The following ZNF709 variants were observed in gnomAD, a reference collection of about 807,000 sequenced individuals.
ZNF709 encodes zinc finger protein 709.
ZNF709 carries 15 observed loss-of-function variants against 10.6 expected under a neutral mutation model. The observed-to-expected ratio is 1.41, with a 90% CI of 0.95 to 2.18. ZNF709 has a LOEUF of 2.18. ZNF709 is among the 30% of genes most tolerant of loss of function. ZNF709 has a pLI of 0.00. For synonymous variants in ZNF709, 194 were observed against 238.8 expected (o/e 0.81, Z 1.73); for missense variants, 589 against 774.0 (o/e 0.76, Z 2.84).
chr19:12,465,534 A>G lies in ZNF709; in HGVS notation c.388T>C (p.Tyr130His). 6.2e-7 allele frequency: 1 copy of G among 1,612,684 alleles called. No individual in the cohort carries two copies. Among genetic ancestry groups the G allele is most frequent in the Non-Finnish European group, 8.5e-7 (1 of 1,179,662 alleles). ...HMRSHTEHRS[Y>H]EYHKYGEKSY... ...TTCTCTCCATATTTGTGATATTCAT[A>G]TGATCTATGTTCAGTATGAGATCTC... The change falls in exon 4 of 4, where the codon TAT becomes CAT. Residue 130 changes from tyrosine (Y) to histidine (H), a missense_variant. Transcript: ENST00000397732.
Position 12,465,169 on chromosome 19 carries a change from G to A in ZNF709, c.753C>T (p.Pro251=). Residue 251 remains proline (P), a synonymous_variant, in exon 4 of 4, where the codon CCC becomes CCT. Transcript: ENST00000397732. ...NHERTHSGEK[P]YECKQCGKAF... Reference sequence around the variant, plus strand: ...CTTTTCCACATTGTTTACATTCATAGGGTTTCTCTCCAGAGTGAGTTCTTT... The same window carrying A: ...CTTTTCCACATTGTTTACATTCATAAGGTTTCTCTCCAGAGTGAGTTCTTT... 6.2e-7 allele frequency: 1 copy of A among 1,613,670 alleles called. No individual in the cohort carries two copies. The highest frequency in any genetic ancestry group is 1.3e-5 in the African/African-American group (1 of 75,002).
At chr19:12,472,238 C>A (rs1970639468) in intron 1 of ZNF709, among the ~76,000 whole-genome samples, 1 of 152,074 alleles carries the variant, frequency 6.6e-6, no homozygotes, top group African/African-American at 2.4e-5. Context: ...AACGGAAACA[C>A]AGGCCAGGCA....
intron 1 of ZNF709, among the ~76,000 whole-genome samples, chr19:12,470,423 C>T (rs1401171155): frequency 1.3e-5 from 2 of 152,108 alleles, no homozygotes; most frequent in Non-Finnish European, 2.9e-5. Flanking sequence ...GGCACTTGTT[C>T]AAAGAAATTC....
Position 12,461,280 on chromosome 19 carries a change from A to G in ZNF709, c.*2716T>C, listed in dbSNP as rs2144980254. The G allele has an allele frequency of 6.6e-6, 1 of 152,388 alleles. No individual in the cohort carries two copies. The highest frequency in any genetic ancestry group is 2.4e-5 in the African/African-American group (1 of 41,596). 9.4% of individuals were successfully genotyped at this position (152,388 alleles called of 1,614,324 possible). The stretch of plus-strand genomic sequence containing the variant: ...TTTGAAAAGTTAATAAAATATTTCT[A>G]AGAAACATCTACAGAAGCTTTTGTT... On this transcript the variant is annotated 3_prime_UTR_variant, in exon 4 of 4. Coordinates refer to ENST00000397732, the MANE Select transcript of ZNF709 (RefSeq NM_152601.4).
intron 1 of ZNF709, among the ~76,000 whole-genome samples, chr19:12,482,550 G>C (rs147555349): frequency 6.6e-6 from 1 of 152,260 alleles, no homozygotes; most frequent in Non-Finnish European, 1.5e-5. Flanking sequence ...CCAGGAGACA[G>C]ATCTCCTGGC....
At chr19:12,467,800 C>T (rs978714872) in intron 1 of ZNF709, among the ~76,000 whole-genome samples, 1 of 151,434 alleles carries the variant, frequency 6.6e-6, no homozygotes, top group African/African-American at 2.4e-5. Context: ...GCGACCCCGT[C>T]TGGGAGGTGA....
rs1401995756 is a variant in ZNF709 at position 12,462,286 on chromosome 19, C to T, written c.*1710G>A. ...TGGTGGCTATAAAACCTGACTAATG[C>T]TTTCTTCACTTCTGCCTTCCATATC... On this transcript the variant is annotated 3_prime_UTR_variant, in exon 4 of 4. Coordinates refer to ENST00000397732, the MANE Select transcript of ZNF709 (RefSeq NM_152601.4). The T allele has an allele frequency of 3.9e-5, 6 of 152,200 alleles. No individual in the cohort carries two copies. The highest frequency in any genetic ancestry group is 1.4e-4 in the African/African-American group (6 of 41,452). The allele number at this position is 152,200 out of a possible 1,614,324, so 9.4% of individuals were successfully genotyped here.
intron 2 of ZNF709, 53 bp downstream of exon 2, chr19:12,466,671 C>A (rs1970573675): frequency 8.1e-6 from 13 of 1,613,134 alleles, no homozygotes; most frequent in Non-Finnish European, 6.8e-6. Flanking sequence ...TGCTGATGAG[C>A]AAGAAACACT....
intron 1 of ZNF709, among the ~76,000 whole-genome samples, chr19:12,469,001 C>T (rs915005156): frequency 5.9e-5 from 9 of 152,058 alleles, no homozygotes; most frequent in Non-Finnish European, 1.2e-4. Flanking sequence ...CCACTATGCC[C>T]GGCTAATTTT....
chr19:12,481,071 A>G (rs1465134744), intron 1 of ZNF709: 1 of 700,770 alleles, frequency 1.4e-6, no homozygotes, highest in African/African-American at 1.9e-5. Context: ...GGCATGAGCC[A>G]CGATGCCTGG....
At chr19:12,484,081 A>T (rs1970755891) in intron 1 of ZNF709, among the ~76,000 whole-genome samples, 1 of 152,250 alleles carries the variant, frequency 6.6e-6, no homozygotes, top group African/African-American at 2.4e-5. Context: ...GATAATTAAA[A>T]TACTGCGTCT....
At chr19:12,484,624 C>T in intron 1 of ZNF709, 31 bp downstream of exon 1, 1 of 1,613,770 alleles carries the variant, frequency 6.2e-7, no homozygotes, top group South Asian at 1.1e-5. Context: ...CCCTCTCTCC[C>T]ATCTCAAGAC....
intron 1 of ZNF709, among the ~76,000 whole-genome samples, chr19:12,469,091 C>T (rs528522636): frequency 3.1e-4 from 47 of 152,238 alleles, no homozygotes; most frequent in African/African-American, 1.1e-3. Context: ...CCGCCCACCT[C>T]GGCCTCCCAA....
chr19:12,484,503 A>C (rs575371844), intron 1 of ZNF709, 152 bp downstream of exon 1: 1 of 1,060,016 alleles, frequency 9.4e-7, no homozygotes, highest in African/African-American at 1.6e-5. Flanking sequence ...CCTGCGGCCA[A>C]AGAGACCGAG....
rs1599630497 is a variant in ZNF709 at position 12,463,972 on chromosome 19, G to T, written c.*24C>A. 2 of 1,255,742 alleles carry T rather than the reference G, an allele frequency of 1.6e-6. No individual in the cohort carries two copies. Among genetic ancestry groups the T allele is most frequent in the African/African-American group, 1.6e-5 (1 of 64,354 alleles). 77.8% of individuals were successfully genotyped at this position (1,255,742 alleles called of 1,614,324 possible). A position where few individuals can be genotyped will look rare whatever the true frequency, so the allele number is the denominator to read the frequency against. On this transcript the variant is annotated 3_prime_UTR_variant, in exon 4 of 4. Coordinates refer to ENST00000397732, the MANE Select transcript of ZNF709 (RefSeq NM_152601.4). ...AGGAAATAGGACAACTGAAAACTTT[G>T]CCATATTGCTTATATACATAGGGTT... is the stretch of plus-strand genomic sequence containing the variant.
rs1229991842 is a variant in ZNF709 at position 12,462,431 on chromosome 19, G to A, written c.*1565C>T. 1 of 152,132 alleles carries A rather than the reference G, an allele frequency of 6.6e-6. No homozygotes were observed. The highest frequency in any genetic ancestry group is 1.5e-5 in the Non-Finnish European group (1 of 68,028). The allele number at this position is 152,132 out of a possible 1,614,324, so 9.4% of individuals were successfully genotyped here. A position where few individuals can be genotyped will look rare whatever the true frequency, so the allele number is the denominator to read the frequency against. Reference sequence around the variant, plus strand: ...TCCAGGACAGCCATTTCCAGCTATAGGTTATATGGTTCTATCTCAGATCTC... The same window carrying A: ...TCCAGGACAGCCATTTCCAGCTATAAGTTATATGGTTCTATCTCAGATCTC... On this transcript the variant is annotated 3_prime_UTR_variant, in exon 4 of 4. Coordinates refer to ENST00000397732, the MANE Select transcript of ZNF709 (RefSeq NM_152601.4).
At chr19:12,480,007 AATATAT>A (rs1254318951) in intron 1 of ZNF709, among the ~76,000 whole-genome samples, 2 of 151,796 alleles carry the variant, frequency 1.3e-5, no homozygotes, top group Non-Finnish European at 2.9e-5. Flanking sequence ...TACAAAAAAG[AATATAT>A]ATATATAATT....
At chr19:12,466,386 T>C (rs1202784338) in intron 3 of ZNF709, 76 bp downstream of exon 3, 6 of 1,369,358 alleles carry the variant, frequency 4.4e-6, no homozygotes, top group South Asian at 1.3e-5. Flanking sequence ...TTTGTTTCAA[T>C]TATTCATTTT....
At position 12,474,517 on chromosome 19, in the gene ZNF709, T is replaced by C. The variant is rs539053748; in HGVS notation, c.4-7667A>G. 5.9e-5 allele frequency among the ~76,000 whole-genome samples: 9 copies of C among 152,356 alleles called. No individual in the cohort carries two copies. The South Asian group carries it at 1.9e-3, about 32-fold the overall frequency. ...TGCACATATCTCTTCAAGATGTTGA[T>C]TTCAATTCCTTTAGATAAATATGGA... On this transcript the variant is annotated intron_variant, in intron 1 of 3. Transcript: ENST00000397732.
Sources: allele counts gnomAD v4.1 joint callset (sites outside exome capture counted in the v4.1 genomes callset), GRCh38; gene constraint gnomAD v4.1.1; transcripts MANE v1.5; gene names NCBI Gene and HGNC (gene_info 2026-07-23, HGNC 2026-07-21).